Variants in RPA1 observed in about 807,000 individuals in gnomAD.
The protein encoded by RPA1 is replication protein A1.
RPA1 carries 49 observed loss-of-function variants against 83.0 expected under a neutral mutation model. That is an observed-to-expected ratio of 0.59 (90% CI 0.47 to 0.75). The LOEUF (loss-of-function observed/expected upper bound fraction) is 0.75. Among genes scored for constraint, RPA1 ranks in the 30% least tolerant of loss-of-function variants. RPA1 has a pLI of 0.00. For synonymous variants in RPA1, 279 were observed against 281.8 expected (o/e 0.99, Z 0.10); for missense variants, 693 against 776.1 (o/e 0.89, Z 1.27).
At chr17:1,873,386 C>T (rs1054188877) in intron 6 of RPA1, among the ~76,000 whole-genome samples, 7 of 152,210 alleles carry the variant, frequency 4.6e-5, no homozygotes, top group East Asian at 1.9e-4. Flanking sequence ...GGGAAGTCAC[C>T]GTTGAAAATT....
intron 16 of RPA1, among the ~76,000 whole-genome samples, chr17:1,895,666 T>TTTA (rs1287301676): frequency 1.6e-5 from 2 of 124,444 alleles, no homozygotes; most frequent in Non-Finnish European, 3.4e-5. Context: ...ATAGTATTTA[T>TTTA]TTATTTATTT....
At chr17:1,877,941 C>A (rs1913630797) in intron 8 of RPA1, among the ~76,000 whole-genome samples, 1 of 152,200 alleles carries the variant, frequency 6.6e-6, no homozygotes, top group Admixed American at 6.5e-5. Flanking sequence ...GCTAATAATT[C>A]CTGAAATTGC....
At chr17:1,887,328 C>A (rs939725871) in intron 13 of RPA1, among the ~76,000 whole-genome samples, 1 of 151,988 alleles carries the variant, frequency 6.6e-6, no homozygotes, top group Non-Finnish European at 1.5e-5. Context: ...GAGGCTGAGG[C>A]AGGCGGATCA....
intron 2 of RPA1, 70 bp from the exon 3 acceptor site, chr17:1,843,850 C>A: frequency 7.9e-7 from 1 of 1,271,616 alleles, no homozygotes; most frequent in Non-Finnish European, 1.1e-6. Context: ...CACTCTCCTG[C>A]CACTTCGGTT....
chr17:1,839,576 T>G (rs1911962616), intron 1 of RPA1, among the ~76,000 whole-genome samples: 1 of 151,822 alleles, frequency 6.6e-6, no homozygotes, highest in African/African-American at 2.4e-5. Context: ...TCCACCTGCC[T>G]TGGGCTCCCA....
chr17:1,873,623 C>T lies in RPA1; in HGVS notation c.454+1097C>T, dbSNP rs569524457. ...CCTTGCACGATCCGTCTACCTCTCTCGCTCTTGCACGTTCTCTCTCTTGCT... is the reference window on the plus strand; with the variant it reads ...CCTTGCACGATCCGTCTACCTCTCTTGCTCTTGCACGTTCTCTCTCTTGCT... On this transcript the variant is annotated intron_variant, in intron 6 of 16. Coordinates refer to ENST00000254719, the MANE Select transcript of RPA1 (RefSeq NM_002945.5). Among the ~76,000 whole-genome samples the T allele has an allele frequency of 1.4e-4, 22 of 152,242 alleles. No homozygotes were observed. In the South Asian group the frequency reaches 3.5e-3, roughly 24 times the overall value.
chr17:1,858,351 C>G, intron 5 of RPA1: 1 of 1,607,006 alleles, frequency 6.2e-7, no homozygotes, highest in East Asian at 2.2e-5. Context: ...AGATGGACAT[C>G]GCCATGGGAA....
rs921363589 is a variant in RPA1, at chr17:1,842,934, C to T, written c.84+81C>T. ...CAAGTTACGTTTGATGAAGGACAGA[C>T]AGATTTGTCCACTTTCGGAAATTCA... On this transcript the variant is annotated intron_variant, in intron 2 of 16. Transcript: ENST00000254719. 48 of 1,437,892 alleles carry T rather than the reference C, an allele frequency of 3.3e-5. No homozygotes were observed. The African/African-American group carries it at 5.3e-4, about 16-fold the overall frequency. 89.1% of individuals were successfully genotyped at this position (1,437,892 alleles called of 1,614,324 possible). A position where few individuals can be genotyped will look rare whatever the true frequency, so the allele number is the denominator to read the frequency against.
intron 1 of RPA1, 111 bp from the exon 2 acceptor site, chr17:1,842,692 A>G (rs1393293879): frequency 9.2e-6 from 8 of 866,894 alleles, no homozygotes; most frequent in Non-Finnish European, 1.3e-5. Flanking sequence ...GGCTCTGAAT[A>G]GGCTCTTTTA....
At chr17:1,857,352 T>C (rs1912740653) in intron 5 of RPA1, among the ~76,000 whole-genome samples, 1 of 151,820 alleles carries the variant, frequency 6.6e-6, no homozygotes, top group African/African-American at 2.4e-5. Context: ...AGCATAAAAT[T>C]AAGAGGCTTT....
intron 5 of RPA1, among the ~76,000 whole-genome samples, chr17:1,868,295 C>T (rs754209994): frequency 6.6e-5 from 10 of 152,136 alleles, no homozygotes; most frequent in Non-Finnish European, 1.5e-4. Context: ...TTCTACCTCA[C>T]GGGGCATTTC....
At chr17:1,887,490 C>T (rs17292287) in intron 13 of RPA1, among the ~76,000 whole-genome samples, 239 of 148,900 alleles carry the variant, frequency 1.6e-3, no homozygotes, top group Middle Eastern at 7.2e-3. Flanking sequence ...CCCTGGGAGG[C>T]GGAGATTTCA....
At chr17:1,857,249 TTTTTTC>T (rs1245123690) in intron 5 of RPA1, among the ~76,000 whole-genome samples, 4 of 143,302 alleles carry the variant, frequency 2.8e-5, no homozygotes, top group South Asian at 4.4e-4. Context: ...GATTTTCTCT[TTTTTTC>T]TTTTTCTTTT....
chr17:1,880,637 C>G lies in RPA1; in HGVS notation c.1187C>G (p.Ser396Ter). The change falls in exon 12 of 17, where the codon TCA (serine) becomes TGA (stop). Residue 396 changes from serine (S) to a stop codon, truncating the protein, a stop_gained. Coordinates refer to ENST00000254719, the MANE Select transcript of RPA1 (RefSeq NM_002945.5). LOFTEE classifies it high-confidence loss of function. ...GGACGGAGCCTCTCCGTGCTGTCTT[C>G]AAGCACTATCATTGCGAATCCTGAC... ...FGGRSLSVLS[S>*]STIIANPDIP... 15 of 1,614,032 alleles carry G rather than the reference C, an allele frequency of 9.3e-6. No individual in the cohort carries two copies. Among genetic ancestry groups the G allele is most frequent in the Non-Finnish European group, 1.3e-5 (15 of 1,180,016 alleles).
chr17:1,851,353 G>T (rs531121961), intron 4 of RPA1, among the ~76,000 whole-genome samples: 2 of 152,098 alleles, frequency 1.3e-5, no homozygotes, highest in Non-Finnish European at 2.9e-5. Flanking sequence ...TTGATGGTCT[G>T]TTAAGTCTCT....
chr17:1,873,391 A>G (rs1468947983), intron 6 of RPA1, among the ~76,000 whole-genome samples: 1 of 152,186 alleles, frequency 6.6e-6, no homozygotes, highest in African/African-American at 2.4e-5. Flanking sequence ...GTCACCGTTG[A>G]AAATTTGGAT....
At chr17:1,843,390 G>C (rs568010967) in intron 2 of RPA1, among the ~76,000 whole-genome samples, 27 of 151,806 alleles carry the variant, frequency 1.8e-4, no homozygotes, top group African/African-American at 5.1e-4. Context: ...CTGGGTACAG[G>C]TGTCACTTGC....
chr17:1,844,065 G>A, intron 3 of RPA1, 67 bp downstream of exon 3: 1 of 1,437,672 alleles, frequency 7.0e-7, no homozygotes, highest in Non-Finnish European at 9.7e-7. Context: ...CTGGTCCTTT[G>A]GTTGCCATAA....
Position 1,871,751 on chromosome 17 carries a change from C to T in RPA1, c.362-683C>T, listed in dbSNP as rs17291979. On this transcript the variant is annotated intron_variant, in intron 5 of 16. Transcript: ENST00000254719. ...CATTTCTTATTTTCTGCTTGAGACA[C>T]GCTCATTTCCCCCCCTTTACTTTTA... is the stretch of plus-strand genomic sequence containing the variant. Among the ~76,000 whole-genome samples the T allele has an allele frequency of 5.1e-3, 769 of 152,234 alleles. 4 individuals are homozygous for T. Among genetic ancestry groups the T allele is most frequent in the African/African-American group, 0.017 (718 of 41,526 alleles).
Sources: allele counts gnomAD v4.1 joint callset (sites outside exome capture counted in the v4.1 genomes callset), GRCh38; gene constraint gnomAD v4.1.1; transcripts MANE v1.5; gene names NCBI Gene and HGNC (gene_info 2026-07-23, HGNC 2026-07-21).